LRMDA: variants seen among roughly 807,000 people sequenced by gnomAD.
The protein encoded by LRMDA is leucine rich melanocyte differentiation associated.
In LRMDA, 18 loss-of-function variants were observed where a neutral mutation model predicts 29.8. The observed-to-expected ratio is 0.60, with a 90% CI of 0.42 to 0.90. The LOEUF is 0.90. LRMDA is among the 40% of genes least tolerant of loss of function. The pLI, the probability that LRMDA is intolerant of heterozygous loss-of-function variation, is 0.00. For synonymous variants in LRMDA, 125 were observed against 109.4 expected (o/e 1.14, Z -0.89); for missense variants, 273 against 273.9 (o/e 1.00, Z 0.02).
chr10:76,268,812 C>G (rs115725658), intron 5 of LRMDA, among the ~76,000 whole-genome samples: 19 of 152,302 alleles, frequency 1.2e-4, no homozygotes, highest in African/African-American at 4.3e-4. Flanking sequence ...GTCAATCTCT[C>G]TCTACCCCCA....
chr10:75,931,716 C>T (rs1228497691), intron 2 of LRMDA, among the ~76,000 whole-genome samples: 1 of 152,206 alleles, frequency 6.6e-6, no homozygotes, highest in African/African-American at 2.4e-5. Flanking sequence ...AGATTCCAGG[C>T]CTACTGATGC....
At chr10:76,321,945 A>G (rs1840776789) in intron 5 of LRMDA, among the ~76,000 whole-genome samples, 1 of 152,058 alleles carries the variant, frequency 6.6e-6, no homozygotes, top group African/African-American at 2.4e-5. Flanking sequence ...ATTCTGTCTC[A>G]ACAACAACAA....
At chr10:75,889,978 G>T (rs1274133298) in intron 2 of LRMDA, among the ~76,000 whole-genome samples, 1 of 152,178 alleles carries the variant, frequency 6.6e-6, no homozygotes, top group Admixed American at 6.5e-5. Flanking sequence ...AGATGTTCTG[G>T]CTATTGGTGC....
At chr10:75,499,181 G>T (rs1035549489) in intron 2 of LRMDA, among the ~76,000 whole-genome samples, 8 of 152,118 alleles carry the variant, frequency 5.3e-5, no homozygotes, top group African/African-American at 1.9e-4. Context: ...CTTCTGTGTT[G>T]CATCCCAGCT....
intron 5 of LRMDA, among the ~76,000 whole-genome samples, chr10:76,201,936 G>A (rs1164642238): frequency 6.6e-6 from 1 of 152,120 alleles, no homozygotes. Flanking sequence ...TTCTTGGCTG[G>A]TCTTTCTCAC....
At chr10:75,940,477 C>T (rs1323072) in intron 2 of LRMDA, among the ~76,000 whole-genome samples, 35,722 of 152,010 alleles carry the variant, frequency 0.23, 4,544 homozygotes, top group South Asian at 0.42. Flanking sequence ...GCCGTGCCTT[C>T]CACGAAGCCA....
rs568937726 is a variant in LRMDA, at chr10:76,354,243, G to A, written c.601+29758G>A. Among the ~76,000 whole-genome samples, 42 of 152,258 alleles carry A rather than the reference G, an allele frequency of 2.8e-4. 1 individual carries two copies. In the South Asian group the frequency reaches 3.1e-3, roughly 11 times the overall value. On this transcript the variant is annotated intron_variant, in intron 6 of 6. Coordinates refer to ENST00000611255, the MANE Select transcript of LRMDA (RefSeq NM_001305581.2). ...GTAAGCCAATATTGAAGATTTCAAA[G>A]GAGAATCTGAGTGTCAAAGGAGGAC...
chr10:75,735,451 A>G (rs905282806), intron 2 of LRMDA, among the ~76,000 whole-genome samples: 7 of 152,112 alleles, frequency 4.6e-5, no homozygotes, highest in Admixed American at 1.3e-4. Flanking sequence ...GCTCCCATGA[A>G]AAACAAACTA....
At chr10:75,741,210 G>T (rs1447642128) in intron 2 of LRMDA, among the ~76,000 whole-genome samples, 1 of 152,160 alleles carries the variant, frequency 6.6e-6, no homozygotes, top group African/African-American at 2.4e-5. Flanking sequence ...GGAGGCTCTG[G>T]CAAGAACCCA....
chr10:76,436,406 C>T (rs1842245245), intron 6 of LRMDA, among the ~76,000 whole-genome samples: 1 of 152,184 alleles, frequency 6.6e-6, no homozygotes, highest in Admixed American at 6.5e-5. Flanking sequence ...TGACCCAGGC[C>T]ACTTGGGGTT....
chr10:75,822,239 GAA>G (rs1844174283), intron 2 of LRMDA, among the ~76,000 whole-genome samples: 1 of 152,034 alleles, frequency 6.6e-6, no homozygotes, highest in Non-Finnish European at 1.5e-5. Flanking sequence ...AAAAAACACT[GAA>G]GAATGCATCT....
intron 5 of LRMDA, among the ~76,000 whole-genome samples, chr10:76,226,992 G>A (rs1435085555): frequency 6.6e-6 from 1 of 152,192 alleles, no homozygotes; most frequent in Non-Finnish European, 1.5e-5. Flanking sequence ...TTCATGATAA[G>A]AGAAATACAT....
intron 5 of LRMDA, among the ~76,000 whole-genome samples, chr10:76,262,320 C>T (rs908355915): frequency 1.3e-5 from 2 of 152,192 alleles, no homozygotes; most frequent in African/African-American, 4.8e-5. Context: ...CCAGTGTTCA[C>T]TCATGCTAGC....
intron 5 of LRMDA, among the ~76,000 whole-genome samples, chr10:76,183,312 A>G (rs2132211301): frequency 6.6e-6 from 1 of 152,360 alleles, no homozygotes; most frequent in East Asian, 1.9e-4. Flanking sequence ...TTTATCAAAA[A>G]TAATGATAAG....
At chr10:76,210,090 C>T (rs538689831) in intron 5 of LRMDA, among the ~76,000 whole-genome samples, 2 of 152,258 alleles carry the variant, frequency 1.3e-5, no homozygotes, top group Admixed American at 6.5e-5. Flanking sequence ...CAGGCAGATC[C>T]GAGCTTTGGC....
intron 2 of LRMDA, among the ~76,000 whole-genome samples, chr10:75,497,799 CTTG>C (rs772272394): frequency 2.0e-5 from 3 of 152,176 alleles, no homozygotes; most frequent in East Asian, 3.9e-4. Flanking sequence ...TTTGGTTCTT[CTTG>C]TTGTTGAATC....
chr10:75,650,210 CT>C (rs1841579652), intron 2 of LRMDA, among the ~76,000 whole-genome samples: 1 of 152,136 alleles, frequency 6.6e-6, no homozygotes, highest in African/African-American at 2.4e-5. Context: ...TGTCATGAAG[CT>C]TTCCCCCTAT....
chr10:76,064,721 A>G (rs1233787671), intron 5 of LRMDA, among the ~76,000 whole-genome samples: 3 of 152,206 alleles, frequency 2.0e-5, no homozygotes, highest in Non-Finnish European at 4.4e-5. Flanking sequence ...TTTATACTCA[A>G]TATTTTCAAG....
Position 75,626,550 on chromosome 10 carries a change from C to G in LRMDA, c.131+188056C>G, listed in dbSNP as rs376423495. Among the ~76,000 whole-genome samples, 6 of 152,132 alleles carry G rather than the reference C, an allele frequency of 3.9e-5. 1 individual carries two copies. In the East Asian group the frequency reaches 7.7e-4, roughly 20 times the overall value. On this transcript the variant is annotated intron_variant, in intron 2 of 6. Transcript: ENST00000611255. The stretch of plus-strand genomic sequence containing the variant: ...AAGTTGCTAGGGAGGGGAAGGTCCT[C>G]TTGGAGAGTGTTTAAGGAATAGGGT...
Sources: gnomAD v4.1 joint callset for allele counts (sites outside exome capture counted in the v4.1 genomes callset) on GRCh38, gnomAD v4.1.1 for gene constraint, MANE v1.5 for transcripts, NCBI Gene and HGNC (gene_info 2026-07-23, HGNC 2026-07-21) for gene names.